Variants in DOCK2 observed in about 807,000 individuals in gnomAD.
DOCK2 encodes dedicator of cytokinesis protein 2.
In DOCK2, 87 loss-of-function variants were observed where a neutral mutation model predicts 248.9. The ratio of observed to expected loss-of-function variants is 0.35; its 90% CI spans 0.29 to 0.42. The LOEUF is 0.42. Ranked by LOEUF, DOCK2 falls within the 10% of genes least tolerant of loss-of-function variation. The pLI is 1.00. For missense variants in DOCK2, 1,747 were observed against 2,300.2 expected (o/e 0.76, Z 4.92); for synonymous variants, 805 against 821.6 (o/e 0.98, Z 0.35).
intron 33 of DOCK2, among the ~76,000 whole-genome samples, chr5:170,026,801 C>T (rs1755933264): frequency 6.6e-6 from 1 of 152,224 alleles, no homozygotes; most frequent in Non-Finnish European, 1.5e-5. Flanking sequence ...TAAATGGATA[C>T]TTGCTTTCTG....
At chr5:169,893,858 G>T (rs1581372631) in intron 27 of DOCK2, among the ~76,000 whole-genome samples, 1 of 152,282 alleles carries the variant, frequency 6.6e-6, no homozygotes, top group South Asian at 2.1e-4. Flanking sequence ...ATGGAAGAAG[G>T]CAGGAAAATC....
intron 27 of DOCK2, among the ~76,000 whole-genome samples, chr5:169,961,192 G>A (rs1297381041): frequency 6.6e-6 from 1 of 152,160 alleles, no homozygotes; most frequent in African/African-American, 2.4e-5. Flanking sequence ...GGGCATAAAT[G>A]GGTAGCCCCC....
intron 29 of DOCK2, among the ~76,000 whole-genome samples, chr5:169,988,878 A>G (rs1428271923): frequency 2.0e-5 from 3 of 152,294 alleles, no homozygotes; most frequent in Non-Finnish European, 4.4e-5. Flanking sequence ...TAAACAGAAC[A>G]GGTACCATGA....
At chr5:169,704,820 C>T (rs1761171518) in intron 14 of DOCK2, among the ~76,000 whole-genome samples, 1 of 150,006 alleles carries the variant, frequency 6.7e-6, no homozygotes, top group African/African-American at 2.5e-5. Flanking sequence ...TGTATGCACA[C>T]ACTATGTGCC....
intron 27 of DOCK2, among the ~76,000 whole-genome samples, chr5:169,904,590 ATT>A (rs1774163885): frequency 6.6e-6 from 1 of 152,022 alleles, no homozygotes; most frequent in Admixed American, 6.5e-5. Flanking sequence ...CCATCATCTC[ATT>A]CTCTCTCATT....
intron 26 of DOCK2, among the ~76,000 whole-genome samples, chr5:169,839,538 A>G (rs1157773407): frequency 6.6e-6 from 1 of 152,204 alleles, no homozygotes; most frequent in Non-Finnish European, 1.5e-5. Context: ...CTGTGCCTAA[A>G]TGCTATGCTG....
chr5:170,064,836 C>A (rs1222966808), intron 44 of DOCK2, among the ~76,000 whole-genome samples: 1 of 152,090 alleles, frequency 6.6e-6, no homozygotes, highest in Non-Finnish European at 1.5e-5. Flanking sequence ...AGTTAAGCAC[C>A]ATTAGACCTG....
chr5:169,881,133 T>G (rs1772619711), intron 27 of DOCK2, among the ~76,000 whole-genome samples: 1 of 152,230 alleles, frequency 6.6e-6, no homozygotes. Context: ...CTTACCATGA[T>G]GCCTGCACTT....
chr5:169,753,023 C>T (rs1763987140), intron 23 of DOCK2, among the ~76,000 whole-genome samples: 1 of 151,992 alleles, frequency 6.6e-6, no homozygotes, highest in South Asian at 2.1e-4. Context: ...CGAGATTGCG[C>T]CATTGCACTC....
At chr5:169,979,701 A>G (rs1480174588) in intron 27 of DOCK2, among the ~76,000 whole-genome samples, 7 of 152,190 alleles carry the variant, frequency 4.6e-5, no homozygotes, top group Admixed American at 2.6e-4. Context: ...ACTTGTCCAA[A>G]CTTCAGTCAC....
At chr5:169,649,691 G>T (rs567227781) in intron 1 of DOCK2, among the ~76,000 whole-genome samples, 1 of 152,338 alleles carries the variant, frequency 6.6e-6, no homozygotes, top group Admixed American at 6.5e-5. Context: ...GTGTGGCTAT[G>T]AGCAAGTTCC....
chr5:169,785,434 C>T (rs754135405), intron 25 of DOCK2, among the ~76,000 whole-genome samples: 1 of 152,060 alleles, frequency 6.6e-6, no homozygotes, highest in Non-Finnish European at 1.5e-5. Context: ...CCACTATTAA[C>T]ACATTTTAGA....
intron 26 of DOCK2, among the ~76,000 whole-genome samples, chr5:169,804,475 T>TGC (rs1767202689): frequency 2.7e-5 from 2 of 74,096 alleles, no homozygotes; most frequent in Non-Finnish European, 3.6e-5. Context: ...TGTGTGTGTG[T>TGC]GTGTGTGTGT....
intron 29 of DOCK2, among the ~76,000 whole-genome samples, chr5:169,991,201 G>A (rs1448052584): frequency 2.6e-5 from 4 of 152,256 alleles, no homozygotes; most frequent in East Asian, 1.9e-4. Context: ...GGGCCAGGGA[G>A]TAGTACATGT....
chr5:170,031,889 G>A (rs761417146), intron 34 of DOCK2, among the ~76,000 whole-genome samples: 4 of 152,180 alleles, frequency 2.6e-5, no homozygotes, highest in Non-Finnish European at 5.9e-5. Flanking sequence ...CGCAGCACTG[G>A]TATCACCTGG....
intron 29 of DOCK2, among the ~76,000 whole-genome samples, chr5:169,986,560 C>T (rs73327865): frequency 0.024 from 3,638 of 152,256 alleles, 170 homozygotes; most frequent in African/African-American, 0.081. Context: ...AGTCTCTGCT[C>T]CTAGGTTTCT....
chr5:169,682,656 A>G (rs1008140668), intron 7 of DOCK2, among the ~76,000 whole-genome samples: 1 of 135,078 alleles, frequency 7.4e-6, no homozygotes, highest in African/African-American at 2.7e-5. Context: ...TTTTGTTTTT[A>G]GATTTATTAA....
At chr5:169,854,651 G>T (rs573712032) in intron 27 of DOCK2, among the ~76,000 whole-genome samples, 1 of 152,220 alleles carries the variant, frequency 6.6e-6, no homozygotes, top group Non-Finnish European at 1.5e-5. Context: ...GCCTGTCCTG[G>T]TCTGTCTCTC....
At chr5:169,804,842 C>T (rs1767255796) in intron 26 of DOCK2, among the ~76,000 whole-genome samples, 1 of 152,270 alleles carries the variant, frequency 6.6e-6, no homozygotes, top group South Asian at 2.1e-4. Flanking sequence ...TTTCTTTCTA[C>T]TCCTACCTCA....
Sources: gnomAD v4.1 joint callset for allele counts (sites outside exome capture counted in the v4.1 genomes callset) on GRCh38, gnomAD v4.1.1 for gene constraint, MANE v1.5 for transcripts, NCBI Gene and HGNC (gene_info 2026-07-23, HGNC 2026-07-21) for gene names.